The following DLGAP2 variants were observed in gnomAD, a reference collection of about 807,000 sequenced individuals.
DLGAP2 encodes the protein disks large-associated protein 2.
In DLGAP2, 26 loss-of-function variants were observed where a neutral mutation model predicts 100.3. The observed-to-expected ratio is 0.26, with a 90% CI of 0.19 to 0.36. DLGAP2 has a LOEUF of 0.36. Ranked by LOEUF, DLGAP2 falls within the 10% of genes least tolerant of loss-of-function variation. The pLI is 1.00. For missense variants in DLGAP2, 1,858 were observed against 1,453.2 expected (o/e 1.28, Z -4.53); for synonymous variants, 886 against 630.1 (o/e 1.41, Z -6.08).
At chr8:1,361,321 A>G (rs780205111) in intron 3 of DLGAP2, among the ~76,000 whole-genome samples, 2 of 152,244 alleles carry the variant, frequency 1.3e-5, no homozygotes, top group Non-Finnish European at 2.9e-5. Flanking sequence ...TTTAGAGTAG[A>G]CTTTTATCCC....
At chr8:1,423,573 G>A (rs892679183) in intron 3 of DLGAP2, among the ~76,000 whole-genome samples, 4 of 152,252 alleles carry the variant, frequency 2.6e-5, no homozygotes, top group African/African-American at 7.2e-5. Context: ...GCTTTGAAAA[G>A]CACGACTTCC....
intron 1 of DLGAP2, among the ~76,000 whole-genome samples, chr8:832,945 C>G (rs1393702): frequency 0.016 from 2,492 of 152,246 alleles, 23 homozygotes; most frequent in Middle Eastern, 0.061. Context: ...CTACAGGGCC[C>G]CTCGTTTCTC....
rs143152197 is a variant in DLGAP2, at chr8:1,390,052, A to T, written c.107-111314A>T. Among the ~76,000 whole-genome samples the T allele has an allele frequency of 2.1e-4, 32 of 152,230 alleles. 1 individual carries two copies. Among genetic ancestry groups the T allele is most frequent in the African/African-American group, 7.7e-4 (32 of 41,546 alleles). On this transcript the variant is annotated intron_variant, in intron 3 of 14. Coordinates refer to ENST00000637795, the MANE Select transcript of DLGAP2 (RefSeq NM_001346810.2). ...CCTGGAAATGCTTCCAGGCAGGAAAAACTTAACAGGCTGACATTTCATCCG... is the reference window on the plus strand; with the variant it reads ...CCTGGAAATGCTTCCAGGCAGGAAATACTTAACAGGCTGACATTTCATCCG...
At chr8:1,556,933 C>T (rs1419491346) in intron 5 of DLGAP2, among the ~76,000 whole-genome samples, 1 of 152,108 alleles carries the variant, frequency 6.6e-6, no homozygotes, top group Non-Finnish European at 1.5e-5. Context: ...TTCTCAAGCT[C>T]AGCACAGCGG....
chr8:1,201,982 CTG>C (rs201355978), intron 2 of DLGAP2, among the ~76,000 whole-genome samples: 19 of 151,530 alleles, frequency 1.3e-4, no homozygotes, highest in African/African-American at 3.1e-4. Context: ...ATCTGTGTAT[CTG>C]TGTATATGTG....
chr8:1,586,731 G>A (rs906229195), intron 6 of DLGAP2, among the ~76,000 whole-genome samples: 1 of 152,208 alleles, frequency 6.6e-6, no homozygotes, highest in Admixed American at 6.5e-5. Context: ...ACACTGCTGC[G>A]TGACTTTAAC....
intron 6 of DLGAP2, among the ~76,000 whole-genome samples, chr8:1,591,168 T>C (rs767160338): frequency 6.6e-6 from 1 of 152,202 alleles, no homozygotes; most frequent in Non-Finnish European, 1.5e-5. Flanking sequence ...CTGATGTCTT[T>C]TAACCTTCAG....
intron 12 of DLGAP2, among the ~76,000 whole-genome samples, chr8:1,686,959 T>A (rs1799131598): frequency 6.6e-6 from 1 of 152,182 alleles, no homozygotes; most frequent in Non-Finnish European, 1.5e-5. Context: ...TGTAGACATC[T>A]GTTCAAATAT....
chr8:1,315,522 A>C (rs1261124977), intron 3 of DLGAP2, among the ~76,000 whole-genome samples: 4 of 145,408 alleles, frequency 2.8e-5, no homozygotes, highest in East Asian at 2.1e-4. Context: ...GCGTCTCTCC[A>C]ACAGTGGTCT....
chr8:1,672,738 A>G (rs1049925775), intron 10 of DLGAP2, among the ~76,000 whole-genome samples: 2 of 152,110 alleles, frequency 1.3e-5, no homozygotes, highest in South Asian at 4.1e-4. Flanking sequence ...GCTGCCCCAG[A>G]GCTCAAAGCC....
chr8:1,467,931 A>T (rs1023804059), intron 3 of DLGAP2, among the ~76,000 whole-genome samples: 2 of 152,326 alleles, frequency 1.3e-5, no homozygotes, highest in African/African-American at 4.8e-5. Flanking sequence ...ATAAATAAAT[A>T]AATACGTTCT....
intron 4 of DLGAP2, among the ~76,000 whole-genome samples, chr8:1,507,801 C>G (rs111463201): frequency 6.6e-6 from 1 of 151,334 alleles, no homozygotes; most frequent in Non-Finnish European, 1.5e-5. Context: ...CACCCACCAC[C>G]CTCCCTCCAC....
At chr8:1,158,051 G>T (rs1363863568) in intron 2 of DLGAP2, among the ~76,000 whole-genome samples, 2 of 152,206 alleles carry the variant, frequency 1.3e-5, no homozygotes, top group Non-Finnish European at 2.9e-5. Flanking sequence ...CTAGCTTATG[G>T]CACTGTGCAG....
chr8:1,237,365 GCGC>G, intron 2 of DLGAP2, among the ~76,000 whole-genome samples: 1 of 85,904 alleles, frequency 1.2e-5, no homozygotes, highest in African/African-American at 6.0e-5. Context: ...CTCTCACATG[GCGC>G]CGTGTCTGTT....
At chr8:1,542,297 T>G (rs1304580335) in intron 4 of DLGAP2, among the ~76,000 whole-genome samples, 1 of 152,228 alleles carries the variant, frequency 6.6e-6, no homozygotes. Context: ...GATGTACAAT[T>G]CGGTAGCATT....
chr8:1,484,979 G>C (rs1214454742), intron 3 of DLGAP2, among the ~76,000 whole-genome samples: 1 of 152,140 alleles, frequency 6.6e-6, no homozygotes, highest in East Asian at 1.9e-4. Context: ...CAATAAGAAG[G>C]CATTATCTTA....
chr8:1,237,484 C>G (rs1182208478), intron 2 of DLGAP2, among the ~76,000 whole-genome samples: 1 of 147,292 alleles, frequency 6.8e-6, no homozygotes, highest in Non-Finnish European at 1.5e-5. Flanking sequence ...GTGTCTAGTT[C>G]TCTCTCACAC....
At chr8:1,070,066 C>G (rs370773082) in intron 2 of DLGAP2, among the ~76,000 whole-genome samples, 1 of 152,208 alleles carries the variant, frequency 6.6e-6, no homozygotes, top group East Asian at 1.9e-4. Context: ...TTCAAACATT[C>G]TTTTCTCCAA....
At chr8:1,442,065 T>TA (rs992909006) in intron 3 of DLGAP2, among the ~76,000 whole-genome samples, 2 of 152,158 alleles carry the variant, frequency 1.3e-5, no homozygotes, top group African/African-American at 4.8e-5. Flanking sequence ...GGCACCTTAC[T>TA]AAACTCAGGA....
Sources: gnomAD v4.1 joint callset for allele counts (sites outside exome capture counted in the v4.1 genomes callset) on GRCh38, gnomAD v4.1.1 for gene constraint, MANE v1.5 for transcripts, NCBI Gene and HGNC (gene_info 2026-07-23, HGNC 2026-07-21) for gene names.